IRF8: variants seen among roughly 807,000 people sequenced by gnomAD.
The protein encoded by IRF8 is interferon regulatory factor 8.
In IRF8, 14 loss-of-function variants were observed where a neutral mutation model predicts 48.7. That is an observed-to-expected ratio of 0.29 (90% CI 0.19 to 0.45). The LOEUF is 0.45. Among genes scored for constraint, IRF8 ranks in the 20% least tolerant of loss-of-function variants. The pLI, the probability that IRF8 is intolerant of heterozygous loss-of-function variation, is 1.00. For missense variants in IRF8, 493 were observed against 580.7 expected, an observed-to-expected ratio of 0.85 and a Z score of 1.55; for synonymous variants, 278 against 227.3, an observed-to-expected ratio of 1.22 and a Z score of -2.01.
chr16:85,916,377 C>T (rs1050989804), intron 6 of IRF8, among the ~76,000 whole-genome samples: 1 of 152,180 alleles, frequency 6.6e-6, no homozygotes, highest in Non-Finnish European at 1.5e-5. Context: ...TCAGGCCGTT[C>T]CCCAGCAAGG....
chr16:85,920,186 G>A lies in IRF8; in HGVS notation c.1066G>A (p.Asp356Asn), dbSNP rs1216626084. ...GCTGTGCTTTGGGGAAGAGTTTCCG[G>A]ATATGGCCCCCTTGCGCTCCAAACT... ...VVLCFGEEFP[D>N]MAPLRSKLIL... The change falls in exon 8 of 9, where the codon GAT (aspartate) becomes AAT (asparagine). Residue 356 changes from aspartate (D) to asparagine (N), a missense_variant. By Grantham distance (23) the Asp-to-Asn change is conservative. Transcript: ENST00000268638. 2.5e-6 allele frequency: 4 copies of A among 1,613,014 alleles called. No homozygotes were observed. The highest frequency in any genetic ancestry group is 1.6e-4 in the Middle Eastern group (1 of 6,074).
Position 85,918,674 on chromosome 16 carries a change from G to A in IRF8, c.859G>A (p.Val287Met), listed in dbSNP as rs28368114. Reference sequence around the variant, plus strand: ...GCTGCTGCACAGCAGCCGGCAGGGCGTGTTCGTCAAGCGGCTGTGCCAGGG... The same window carrying A: ...GCTGCTGCACAGCAGCCGGCAGGGCATGTTCGTCAAGCGGCTGTGCCAGGG... ...GVLLHSSRQGVFVKRLCQGRV... is the reference protein window; with the variant it reads ...GVLLHSSRQGMFVKRLCQGRV... Residue 287 changes from valine (V) to methionine (M), a missense_variant, in exon 7 of 9, where the codon GTG becomes ATG. Coordinates refer to ENST00000268638, the MANE Select transcript of IRF8 (RefSeq NM_002163.4). 1.2e-3 allele frequency: 1,907 copies of A among 1,611,224 alleles called. 3 individuals carry two copies. The highest frequency in any genetic ancestry group is 1.5e-3 in the Non-Finnish European group (1,765 of 1,179,878).
At chr16:85,911,880 T>C (rs1194425727) in intron 4 of IRF8, among the ~76,000 whole-genome samples, 2 of 152,228 alleles carry the variant, frequency 1.3e-5, no homozygotes, top group African/African-American at 4.8e-5. Context: ...GCCAGATCCC[T>C]CCTTCATCCC....
At chr16:85,918,051 A>T (rs9926411) in intron 6 of IRF8, among the ~76,000 whole-genome samples, 1 of 152,086 alleles carries the variant, frequency 6.6e-6, no homozygotes, top group Non-Finnish European at 1.5e-5. Context: ...GGCAGTGCCT[A>T]TGAGACGGAG....
chr16:85,905,858 G>A (rs754153764), intron 2 of IRF8, among the ~76,000 whole-genome samples: 1 of 152,186 alleles, frequency 6.6e-6, no homozygotes, highest in Non-Finnish European at 1.5e-5. Context: ...TAAGTGGATG[G>A]TAAAAGGGGC....
At position 85,903,116 on chromosome 16, in the gene IRF8, G is replaced by A. The variant is rs1904879589; in HGVS notation, c.101G>A (p.Ser34Asn). The A allele has an allele frequency of 6.2e-7, 1 of 1,614,166 alleles. No homozygotes were observed. Among genetic ancestry groups the A allele is most frequent in the Non-Finnish European group, 8.5e-7 (1 of 1,180,020 alleles). The change falls in exon 2 of 9, where the codon AGC becomes AAC. Residue 34 changes from serine to asparagine, a missense_variant. Transcript: ENST00000268638. ...PGLIWENEEK[S>N]MFRIPWKHAG... Reference sequence around the variant, plus strand: ...CTGATTTGGGAGAATGAGGAGAAGAGCATGTTCCGGATCCCTTGGAAACAC... The same window carrying A: ...CTGATTTGGGAGAATGAGGAGAAGAACATGTTCCGGATCCCTTGGAAACAC...
chr16:85,901,560 G>T (rs879450466), intron 1 of IRF8, among the ~76,000 whole-genome samples: 3 of 152,158 alleles, frequency 2.0e-5, no homozygotes, highest in South Asian at 4.1e-4. Context: ...CCAGGCTGCC[G>T]CGAGCTATGA....
At chr16:85,913,460 C>G (rs1320745507) in intron 5 of IRF8, 2 of 585,736 alleles carry the variant, frequency 3.4e-6, no homozygotes, top group South Asian at 1.9e-5. Context: ...CAGGAGGGCA[C>G]AAGCTGCTTG....
chr16:85,905,948 T>C (rs116043200), intron 2 of IRF8, among the ~76,000 whole-genome samples: 90 of 152,204 alleles, frequency 5.9e-4, no homozygotes, highest in African/African-American at 2.1e-3. Flanking sequence ...AGAAGAGAAA[T>C]TGAAAAAACA....
chr16:85,916,811 C>A (rs563406025), intron 6 of IRF8, among the ~76,000 whole-genome samples: 1 of 152,048 alleles, frequency 6.6e-6, no homozygotes, highest in Non-Finnish European at 1.5e-5. Flanking sequence ...GCAGACTTGG[C>A]GTGGGGGGAA....
intron 2 of IRF8, among the ~76,000 whole-genome samples, chr16:85,907,263 T>C (rs1333805723): frequency 6.6e-6 from 1 of 152,210 alleles, no homozygotes; most frequent in Non-Finnish European, 1.5e-5. Flanking sequence ...ATTCTTGTCT[T>C]TTTTGAGAGG....
Position 85,910,714 on chromosome 16 carries a change from C to T in IRF8, c.359-856C>T, listed in dbSNP as rs544978570. On this transcript the variant is annotated intron_variant, in intron 3 of 8. Coordinates refer to ENST00000268638, the MANE Select transcript of IRF8 (RefSeq NM_002163.4). ...GCATAATTGCCTACAGGGGCCCACT[C>T]GCCTCTAACCTCAGTGGTTTGCAGG... Among the ~76,000 whole-genome samples the T allele has an allele frequency of 9.6e-4, 147 of 152,332 alleles. 4 individuals carry two copies. In the South Asian group the frequency reaches 0.025, roughly 26 times the overall value.
intron 1 of IRF8, 68 bp from the exon 2 acceptor site, chr16:85,902,946 GT>G: frequency 6.4e-7 from 1 of 1,563,768 alleles, no homozygotes; most frequent in Non-Finnish European, 8.8e-7. Context: ...CCTGTTAGCA[GT>G]TTTTGGGTTG....
intron 2 of IRF8, among the ~76,000 whole-genome samples, chr16:85,905,824 T>A (rs1286609025): frequency 6.6e-6 from 1 of 152,244 alleles, no homozygotes; most frequent in African/African-American, 2.4e-5. Flanking sequence ...AGAAAGAAAT[T>A]TATGAGTTTG....
chr16:85,914,991 G>A (rs186649364), intron 6 of IRF8, among the ~76,000 whole-genome samples: 15 of 152,294 alleles, frequency 9.8e-5, no homozygotes, highest in African/African-American at 3.4e-4. Flanking sequence ...ACAGGCCAGC[G>A]TCTGTCCCAG....
intron 6 of IRF8, among the ~76,000 whole-genome samples, chr16:85,917,799 CATT>C (rs1905366064): frequency 6.6e-6 from 1 of 152,176 alleles, no homozygotes; most frequent in Admixed American, 6.5e-5. Flanking sequence ...ACCCCTCCCC[CATT>C]ATTCTGTGTG....
chr16:85,906,500 C>T (rs1411637322), intron 2 of IRF8, among the ~76,000 whole-genome samples: 1 of 152,190 alleles, frequency 6.6e-6, no homozygotes, highest in African/African-American at 2.4e-5. Flanking sequence ...GGGCAGGCGG[C>T]AAGCCAGGTA....
chr16:85,901,744 GC>G (rs1474715165), intron 1 of IRF8, among the ~76,000 whole-genome samples: 2 of 152,232 alleles, frequency 1.3e-5, no homozygotes, highest in Admixed American at 1.3e-4. Flanking sequence ...CCGTCTCATG[GC>G]CACCTGCAGG....
intron 5 of IRF8, among the ~76,000 whole-genome samples, chr16:85,913,805 T>C (rs989578756): frequency 1.3e-5 from 2 of 152,228 alleles, no homozygotes; most frequent in African/African-American, 2.4e-5. Flanking sequence ...ACTTGCGCCA[T>C]GGGGTCACGA....
Sources: gnomAD v4.1 joint callset for allele counts (sites outside exome capture counted in the v4.1 genomes callset) on GRCh38, gnomAD v4.1.1 for gene constraint, MANE v1.5 for transcripts, NCBI Gene and HGNC (gene_info 2026-07-23, HGNC 2026-07-21) for gene names.